The following CAPN2 variants were observed in gnomAD, a reference collection of about 807,000 sequenced individuals.
CAPN2 encodes the protein calpain 2, also known as calpain-2 catalytic subunit.
Under a neutral mutation model 102.3 loss-of-function variants are expected in CAPN2, and 92 were observed. The ratio of observed to expected loss-of-function variants is 0.90; its 90% CI spans 0.76 to 1.07. The LOEUF (loss-of-function observed/expected upper bound fraction) is 1.07. Ranked by LOEUF, CAPN2 falls within the 50% of genes least tolerant of loss-of-function variation. The pLI, the probability that CAPN2 is intolerant of heterozygous loss-of-function variation, is 0.00. For synonymous variants in CAPN2, 340 were observed against 355.4 expected, an observed-to-expected ratio of 0.96 and a Z score of 0.49; for missense variants, 800 against 909.4, an observed-to-expected ratio of 0.88 and a Z score of 1.55.
intron 17 of CAPN2, 171 bp from the exon 18 acceptor site, chr1:223,770,276 C>G (rs1396024054): frequency 1.6e-6 from 1 of 609,568 alleles, no homozygotes; most frequent in Non-Finnish European, 3.0e-6. Flanking sequence ...AGCTCACAGA[C>G]AGAAGCAAAA....
upstream of CAPN2, among the ~76,000 whole-genome samples, chr1:223,711,379 T>G (rs1659723446): frequency 6.6e-6 from 1 of 152,194 alleles, no homozygotes; most frequent in Non-Finnish European, 1.5e-5. Context: ...AACAGAGTGG[T>G]CACAGTAGCC....
intron 7 of CAPN2, among the ~76,000 whole-genome samples, 192 bp downstream of exon 7, chr1:223,751,167 C>G (rs1660880871): frequency 6.6e-6 from 1 of 152,186 alleles, no homozygotes; most frequent in Non-Finnish European, 1.5e-5. Flanking sequence ...CCTCCAGCAG[C>G]CTGAGTGCCT....
At chr1:223,743,998 A>G in intron 2 of CAPN2, 102 bp from the exon 3 acceptor site, 2 of 782,120 alleles carry the variant, frequency 2.6e-6, no homozygotes, top group Non-Finnish European at 4.5e-6. Context: ...GTCTATTCAC[A>G]GGTTGTCTTA....
In CAPN2 at chr1:223,759,173, C is replaced by G; in HGVS notation, c.1318-97C>G. 1 of 1,182,438 alleles carries G rather than the reference C, an allele frequency of 8.5e-7. No homozygotes were observed. Among genetic ancestry groups the G allele is most frequent in the Non-Finnish European group, 1.2e-6 (1 of 802,568 alleles). The allele number at this position is 1,182,438 out of a possible 1,614,324, so 73.2% of individuals were successfully genotyped here. A position where few individuals can be genotyped will look rare whatever the true frequency, so the allele number is the denominator to read the frequency against. ...ACACCAGGACAGCAGGACTGAGCCA[C>G]CACACTACCCAACTGCTTTTATCTC... On this transcript the variant is annotated intron_variant, in intron 11 of 20. Coordinates refer to ENST00000295006, the MANE Select transcript of CAPN2 (RefSeq NM_001748.5). This position sits in a 1 kb window ranked among gnomAD's most constrained non-coding sequence, Gnocchi z 4.6.
chr1:223,744,578 T>C (rs1203677443), intron 3 of CAPN2, among the ~76,000 whole-genome samples: 3 of 152,172 alleles, frequency 2.0e-5, no homozygotes, highest in Non-Finnish European at 1.5e-5. Flanking sequence ...TTGAAAAAGC[T>C]GGCTGGGCAC....
chr1:223,745,570 A>C, intron 4 of CAPN2, 131 bp downstream of exon 4: 2 of 955,898 alleles, frequency 2.1e-6, no homozygotes, highest in Non-Finnish European at 3.2e-6. Context: ...CAGGAGTTCG[A>C]GACCAGCCTG....
chr1:223,708,693 C>T (rs139237067), upstream of CAPN2, among the ~76,000 whole-genome samples: 1,292 of 150,734 alleles, frequency 8.6e-3, 20 homozygotes, highest in African/African-American at 0.029. Flanking sequence ...ATCACTTGCA[C>T]CCGGGAGGCG....
At chr1:223,747,388 G>C (rs1222132) in intron 5 of CAPN2, among the ~76,000 whole-genome samples, 152,311 of 152,328 alleles carry the variant, frequency 1, 76,147 homozygotes, top group Non-Finnish European at 1. Flanking sequence ...TATGAATGTG[G>C]ACAGGGGAGA....
intron 16 of CAPN2, among the ~76,000 whole-genome samples, chr1:223,766,750 A>G (rs1049093690): frequency 6.6e-6 from 1 of 152,200 alleles, no homozygotes; most frequent in Non-Finnish European, 1.5e-5. Flanking sequence ...TCACGAGGTC[A>G]GGAGTTCGAG....
At position 223,768,144 on chromosome 1, in the gene CAPN2, T is replaced by A. The variant is rs867459259; in HGVS notation, c.1756-1697T>A. 2.6e-5 allele frequency among the ~76,000 whole-genome samples: 4 copies of A among 151,650 alleles called. No individual in the cohort carries two copies. The Middle Eastern group carries it at 0.01, about 387-fold the overall frequency. ...ATTTTCTCCCATTTTGTAGGTTGCC[T>A]GTTCACTCTGATGGTAGTTTCTTTT... On this transcript the variant is annotated intron_variant, in intron 16 of 20. Transcript: ENST00000295006.
intron 16 of CAPN2, among the ~76,000 whole-genome samples, chr1:223,766,799 A>C (rs1661346717): frequency 6.6e-6 from 1 of 152,094 alleles, no homozygotes; most frequent in South Asian, 2.1e-4. Context: ...GTCTCTACTA[A>C]AAATACAAAA....
In CAPN2 at chr1:223,775,479, C is replaced by T. The variant is rs1482288244; in HGVS notation, c.*622C>T. The T allele has an allele frequency of 6.6e-6, 1 of 152,334 alleles. No homozygotes were observed. The allele number at this position is 152,334 out of a possible 1,614,324, so 9.4% of individuals were successfully genotyped here. On this transcript the variant is annotated 3_prime_UTR_variant, in exon 21 of 21. Transcript: ENST00000295006. ...TGATTGGTAATAGTAAATCGTTCTCCTTACAATCAAGTTCTTGACCCTATT... is the reference window on the plus strand; with the variant it reads ...TGATTGGTAATAGTAAATCGTTCTCTTTACAATCAAGTTCTTGACCCTATT...
intron 15 of CAPN2, among the ~76,000 whole-genome samples, chr1:223,765,701 T>TA (rs2102813660): frequency 9.5e-6 from 1 of 105,224 alleles, no homozygotes; most frequent in South Asian, 2.6e-4. Flanking sequence ...GCCAGAGCCT[T>TA]ATGACCATCT....
Position 223,719,843 on chromosome 1 carries a change from C to A in CAPN2, c.307+2012C>A, listed in dbSNP as rs543684867. On this transcript the variant is annotated intron_variant, in intron 2 of 20. Transcript: ENST00000295006. Reference sequence around the variant, plus strand: ...GTGTGTGTGTGTGTGCGCGCGCGCGCGTATAATGCAGTATTGGTCATTTTG... The same window carrying A: ...GTGTGTGTGTGTGTGCGCGCGCGCGAGTATAATGCAGTATTGGTCATTTTG... Among the ~76,000 whole-genome samples, 7 of 146,978 alleles carry A rather than the reference C, an allele frequency of 4.8e-5. No individual in the cohort carries two copies. In the South Asian group the frequency reaches 1.5e-3, roughly 32 times the overall value.
chr1:223,712,497 G>A, upstream of CAPN2: 6 of 1,194,900 alleles, frequency 5.0e-6, 1 homozygote, highest in South Asian at 1.6e-4. Context: ...GGGCCGGGCC[G>A]CTTCCCTCCG....
intron 8 of CAPN2, 28 bp from the exon 9 acceptor site, chr1:223,752,768 C>A (rs1660934557): frequency 6.2e-7 from 1 of 1,612,546 alleles, no homozygotes; most frequent in African/African-American, 1.3e-5. Flanking sequence ...TTCTTATCAC[C>A]TGTGATGATT....
Position 223,759,066 on chromosome 1 carries a change from T to C in CAPN2, c.1318-204T>C, listed in dbSNP as rs1395604623. On this transcript the variant is annotated intron_variant, in intron 11 of 20. Coordinates refer to ENST00000295006, the MANE Select transcript of CAPN2 (RefSeq NM_001748.5). This position sits in a 1 kb window ranked among gnomAD's most constrained non-coding sequence, Gnocchi z 4.6. Reference sequence around the variant, plus strand: ...TTTTTTTAAAAAAATTTTGTTGTTTTGTTGTTGTTGTCGTCGTTATATAGA... The same window carrying C: ...TTTTTTTAAAAAAATTTTGTTGTTTCGTTGTTGTTGTCGTCGTTATATAGA... The C allele has an allele frequency of 3.4e-6, 2 of 595,170 alleles. No individual in the cohort carries two copies. The highest frequency in any genetic ancestry group is 6.0e-6 in the Non-Finnish European group (2 of 332,378). The allele number at this position is 595,170 out of a possible 1,614,324, so 36.9% of individuals were successfully genotyped here.
At chr1:223,734,547 T>C (rs1296134547) in intron 2 of CAPN2, among the ~76,000 whole-genome samples, 1 of 152,044 alleles carries the variant, frequency 6.6e-6, no homozygotes, top group Non-Finnish European at 1.5e-5. Context: ...ACAGACACCT[T>C]ATGCACTGCT....
At chr1:223,733,101 G>A (rs1660371318) in intron 2 of CAPN2, among the ~76,000 whole-genome samples, 1 of 152,096 alleles carries the variant, frequency 6.6e-6, no homozygotes, top group South Asian at 2.1e-4. Context: ...GCACCAACCT[G>A]CCCACACACC....
Sources: allele counts gnomAD v4.1 joint callset (sites outside exome capture counted in the v4.1 genomes callset), GRCh38; gene constraint gnomAD v4.1.1; non-coding constraint Gnocchi (gnomAD v3.1); transcripts MANE v1.5; gene names NCBI Gene and HGNC (gene_info 2026-07-23, HGNC 2026-07-21).